KMT2C: variants seen among roughly 807,000 people sequenced by gnomAD.
KMT2C encodes the protein histone-lysine N-methyltransferase 2C.
A neutral mutation model predicts 507.9 loss-of-function variants in KMT2C; 88 were observed. That is an observed-to-expected ratio of 0.17 (90% CI 0.15 to 0.21). The LOEUF (loss-of-function observed/expected upper bound fraction) is 0.21, where lower values mean the gene tolerates loss of function less well. Ranked by LOEUF, KMT2C falls within the 10% of genes least tolerant of loss-of-function variation. The pLI is 1.00. For missense variants in KMT2C, 4,954 were observed against 5,957.8 expected, an observed-to-expected ratio of 0.83 and a Z score of 5.55; for synonymous variants, 2,049 against 2,080.8, an observed-to-expected ratio of 0.98 and a Z score of 0.42.
At position 152,163,216 on chromosome 7, in the gene KMT2C, T is replaced by C. The variant is rs2129104308; in HGVS notation, c.10361A>G (p.Tyr3454Cys). Residue 3454 changes from tyrosine (Y) to cysteine (C), a missense_variant, in exon 43 of 59, where the codon TAC becomes TGC. Physicochemically the swap from Tyr to Cys is radical, Grantham distance 194. This residue lies in a region of KMT2C where 801 missense variants were observed against 751.2 expected (regional missense o/e 1.07). Coordinates refer to ENST00000262189, the MANE Select transcript of KMT2C (RefSeq NM_170606.3). ...AAAATCACAAGGTAAGTCGGAACTG[T>C]AGAAGGGAATCTGGGACACAGATGT... ...SRTSVSQIPF[Y>C]SSDLPCDFMQ... 1.2e-6 allele frequency: 2 copies of C among 1,614,204 alleles called. No individual in the cohort carries two copies. Among genetic ancestry groups the C allele is most frequent in the Non-Finnish European group, 1.7e-6 (2 of 1,180,040 alleles).
At chr7:152,359,459 G>A (rs536417865) in intron 1 of KMT2C, among the ~76,000 whole-genome samples, 9 of 152,136 alleles carry the variant, frequency 5.9e-5, no homozygotes, top group South Asian at 4.1e-4. Context: ...AAATTATTTC[G>A]CAGTATTTTA....
chr7:152,255,680 C>A (rs971901092), intron 9 of KMT2C, among the ~76,000 whole-genome samples: 1 of 151,974 alleles, frequency 6.6e-6, no homozygotes, highest in Non-Finnish European at 1.5e-5. Context: ...ATAGACAGAT[C>A]GATGGAATGG....
chr7:152,211,332 C>A (rs2094449142), intron 23 of KMT2C, among the ~76,000 whole-genome samples: 1 of 152,178 alleles, frequency 6.6e-6, no homozygotes, highest in Non-Finnish European at 1.5e-5. Flanking sequence ...TTACCTTCCA[C>A]ACATTCTCTG....
At chr7:152,352,462 C>T (rs571458224) in intron 2 of KMT2C, among the ~76,000 whole-genome samples, 1 of 152,270 alleles carries the variant, frequency 6.6e-6, no homozygotes, top group East Asian at 1.9e-4. Context: ...CATATACTCC[C>T]TCCCCTTTGA....
chr7:152,315,089 T>C (rs1314423421), intron 4 of KMT2C, 49 bp downstream of exon 4: 2 of 1,419,442 alleles, frequency 1.4e-6, no homozygotes, highest in African/African-American at 2.8e-5. Context: ...TGGAAATAAA[T>C]TATATGCAGT....
intron 25 of KMT2C, 33 bp downstream of exon 25, chr7:152,205,071 TAA>T: frequency 2.9e-6 from 4 of 1,389,646 alleles, no homozygotes; most frequent in Non-Finnish European, 3.9e-6. Context: ...AGGGTTACAT[TAA>T]AAAAAAAATT....
intron 1 of KMT2C, among the ~76,000 whole-genome samples, chr7:152,379,633 T>C (rs2097354953): frequency 6.6e-6 from 1 of 152,258 alleles, no homozygotes; most frequent in Admixed American, 6.5e-5. Context: ...GAGGATCACT[T>C]GAGCTAGAGG....
rs369706450 is a variant in KMT2C at position 152,181,836 on chromosome 7, A to T, written c.6024T>A (p.Thr2008=). ...PIAAGTSDHF[T]KPSPRADVFQ... ...ACACATCTGCCCTAGGAGATGGTTT[A>T]GTAAAGTGATCACTGGTTCCAGCTG... Residue 2008 remains threonine (T), a synonymous_variant, in exon 36 of 59, where the codon ACT becomes ACA. Transcript: ENST00000262189. 6.8e-6 allele frequency: 11 copies of T among 1,614,070 alleles called. No individual in the cohort carries two copies. In the African/African-American group the frequency reaches 1.5e-4, roughly 22 times the overall value.
intron 23 of KMT2C, among the ~76,000 whole-genome samples, chr7:152,209,242 G>T (rs1277061356): frequency 6.6e-6 from 1 of 151,760 alleles, no homozygotes; most frequent in Admixed American, 6.6e-5. Flanking sequence ...AGATCACGAG[G>T]TCAGGAGATC....
chr7:152,377,676 A>G (rs1284002605), intron 1 of KMT2C, among the ~76,000 whole-genome samples: 1 of 151,362 alleles, frequency 6.6e-6, no homozygotes, highest in Non-Finnish European at 1.5e-5. Flanking sequence ...CAGAGGTTGC[A>G]CTAAACCAAG....
chr7:152,159,690 T>C (rs1478014723), intron 43 of KMT2C, among the ~76,000 whole-genome samples: 1 of 152,190 alleles, frequency 6.6e-6, no homozygotes, highest in Non-Finnish European at 1.5e-5. Context: ...TGATAACAAA[T>C]AAACCTTTTC....
intron 3 of KMT2C, among the ~76,000 whole-genome samples, chr7:152,322,073 C>T (rs995242648): frequency 5.4e-5 from 8 of 148,322 alleles, no homozygotes; most frequent in African/African-American, 2.0e-4. Flanking sequence ...AAAAAAAAAC[C>T]ATACATCTGG....
At chr7:152,409,328 C>T (rs1308774446) in intron 1 of KMT2C, among the ~76,000 whole-genome samples, 2 of 151,898 alleles carry the variant, frequency 1.3e-5, no homozygotes, top group African/African-American at 4.8e-5. Flanking sequence ...TCTTTGAAAA[C>T]ATATTTGCTA....
At chr7:152,216,111 C>T (rs1563433517) in intron 23 of KMT2C, among the ~76,000 whole-genome samples, 1 of 152,166 alleles carries the variant, frequency 6.6e-6, no homozygotes, top group Non-Finnish European at 1.5e-5. Context: ...TATTCCCACA[C>T]CTCCCAACAC....
Position 152,167,354 on chromosome 7 carries a change from T to C in KMT2C, c.9542A>G (p.Glu3181Gly), listed in dbSNP as rs1295196742. 9 of 1,612,824 alleles carry C rather than the reference T, an allele frequency of 5.6e-6. No homozygotes were observed. Among genetic ancestry groups the C allele is most frequent in the African/African-American group, 1.3e-5 (1 of 74,910 alleles). Reference protein sequence around the residue: ...FVNDSQRKQYEEWLQETQQLL... With the variant: ...FVNDSQRKQYGEWLQETQQLL... Reference sequence around the variant, plus strand: ...CTGTTGGGTCTCCTGGAGCCACTCTTCATACTGCTTACGCTGTGAATCATC... The same window carrying C: ...CTGTTGGGTCTCCTGGAGCCACTCTCCATACTGCTTACGCTGTGAATCATC... The change falls in exon 42 of 59, where the codon GAA becomes GGA. Residue 3181 changes from glutamate (E) to glycine (G), a missense_variant. Transcript: ENST00000262189.
chr7:152,321,543 T>C (rs2096773266), intron 3 of KMT2C, among the ~76,000 whole-genome samples: 1 of 151,802 alleles, frequency 6.6e-6, no homozygotes, highest in African/African-American at 2.4e-5. Flanking sequence ...ACCAAAAAAC[T>C]GTTAGAACTA....
rs763566518 is a variant in KMT2C at position 152,185,683 on chromosome 7, T to A, written c.5009-52A>T. 6 of 1,321,468 alleles carry A rather than the reference T, an allele frequency of 4.5e-6. No individual in the cohort carries two copies. The South Asian group carries it at 7.3e-5, about 16-fold the overall frequency. The allele number at this position is 1,321,468 out of a possible 1,614,324, so 81.9% of individuals were successfully genotyped here. A position where few individuals can be genotyped will look rare whatever the true frequency, so the allele number is the denominator to read the frequency against. ...CTTTCTCAGAGCCATGCTAATGATG[T>A]GTTGTAATAAAGAATGTTGATGAAC... On this transcript the variant is annotated intron_variant, in intron 33 of 58. Transcript: ENST00000262189.
intron 40 of KMT2C, among the ~76,000 whole-genome samples, chr7:152,169,792 T>C (rs1189577584): frequency 4.6e-5 from 7 of 152,310 alleles, no homozygotes; most frequent in African/African-American, 1.4e-4. Flanking sequence ...GTAGGATCGC[T>C]TGAGCCCAGG....
At chr7:152,137,696 G>C (rs1374885820) in intron 58 of KMT2C, 1 of 152,212 alleles carries the variant, frequency 6.6e-6, no homozygotes, top group African/African-American at 2.4e-5. Context: ...AGCCTGGTAA[G>C]GAAGTCATTT....
Sources: gnomAD v4.1 joint callset for allele counts (sites outside exome capture counted in the v4.1 genomes callset) on GRCh38, gnomAD v4.1.1 for gene constraint, gnomAD v4.1.1 regional missense constraint, MANE v1.5 for transcripts, NCBI Gene and HGNC (gene_info 2026-07-23, HGNC 2026-07-21) for gene names.